MYCL: variants seen among roughly 807,000 people sequenced by gnomAD.
MYCL encodes protein L-Myc.
In MYCL, 11 loss-of-function variants were observed where a neutral mutation model predicts 31.0. The ratio of observed to expected loss-of-function variants is 0.35; its 90% CI spans 0.22 to 0.59. The LOEUF (loss-of-function observed/expected upper bound fraction) is 0.59. Ranked by LOEUF, MYCL falls within the 20% of genes least tolerant of loss-of-function variation. The probability of loss-of-function intolerance (pLI) is 0.79; values close to 1 mark genes in which losing one functional copy is unlikely to be tolerated. For synonymous variants in MYCL, 208 were observed against 202.4 expected, an observed-to-expected ratio of 1.03 and a Z score of -0.23; for missense variants, 427 against 486.1, an observed-to-expected ratio of 0.88 and a Z score of 1.14.
At chr1:39,899,981 G>A (rs1557606658) in intron 1 of MYCL, 1 of 985,520 alleles carries the variant, frequency 1.0e-6, no homozygotes, top group East Asian at 1.1e-4. Context: ...GTAGTTTAGT[G>A]GCACAGGATG....
Position 39,897,267 on chromosome 1 carries a change from G to T in MYCL, c.*105C>A. The T allele has an allele frequency of 9.9e-7, 1 of 1,014,584 alleles. No individual in the cohort carries two copies. The highest frequency in any genetic ancestry group is 1.5e-6 in the Non-Finnish European group (1 of 686,428). 62.8% of individuals were successfully genotyped at this position (1,014,584 alleles called of 1,614,324 possible). On this transcript the variant is annotated 3_prime_UTR_variant, in exon 2 of 2. Coordinates refer to ENST00000372816, the MANE Select transcript of MYCL (RefSeq NM_001033081.3). The surrounding 1 kb of genome is among the most constrained non-coding windows in gnomAD (Gnocchi z 4.3). ...AATGCATTCTGGGATCTACTGTCCA[G>T]ACTGTCCCACCATAACCAAAATGTG...
rs61731506 is a variant in MYCL, at chr1:39,897,517, G to A, written c.950C>T (p.Ala317Val). 3 of 1,614,202 alleles carry A rather than the reference G, an allele frequency of 1.9e-6. No individual in the cohort carries two copies. The highest frequency in any genetic ancestry group is 2.5e-6 in the Non-Finnish European group (3 of 1,180,036). The change falls in exon 2 of 2, where the codon GCC becomes GTC. Residue 317 changes from alanine (A) to valine (V), a missense_variant. By Grantham distance (64) the Ala-to-Val change is moderately conservative. Transcript: ENST00000372816. The surrounding 1 kb of genome is among the most constrained non-coding windows in gnomAD (Gnocchi z 4.3). ...QVPTLASCSK[A>V]PKVVILSKAL... Reference sequence around the variant, plus strand: ...CTTGCTTAGGATCACTACTTTGGGGGCCTTGGAGCAGCTGGCCAGGGTGGG... The same window carrying A: ...CTTGCTTAGGATCACTACTTTGGGGACCTTGGAGCAGCTGGCCAGGGTGGG...
chr1:39,900,058 T>C, intron 1 of MYCL: 1 of 985,516 alleles, frequency 1.0e-6, no homozygotes, highest in Non-Finnish European at 1.2e-6. Flanking sequence ...GGAGTTCTAC[T>C]GCCTTGACCC....
chr1:39,896,565 CT>C lies in MYCL; in HGVS notation c.*806del, dbSNP rs1644484900. 2.4e-5 allele frequency: 5 copies of C among 212,548 alleles called. No individual in the cohort carries two copies. The highest frequency in any genetic ancestry group is 4.5e-5 in the African/African-American group (2 of 44,136). The allele number at this position is 212,548 out of a possible 1,614,324, so 13.2% of individuals were successfully genotyped here. On this transcript the variant is annotated 3_prime_UTR_variant, in exon 2 of 2. Coordinates refer to ENST00000372816, the MANE Select transcript of MYCL (RefSeq NM_001033081.3). ...CAGGCTAGGACCGATTTCCCTGTGT[CT>C]TGGGGAAATATTTCTGACCTGTGGG...
chr1:39,899,160 T>C (rs1049706699), intron 1 of MYCL: 1 of 820,618 alleles, frequency 1.2e-6, no homozygotes, highest in Admixed American at 6.2e-5. Context: ...CTAGCCCCTA[T>C]TGGGTGAGCT....
rs144862690 is a variant in MYCL at position 39,900,588 on chromosome 1, G to T, written c.496+351C>A. On this transcript the variant is annotated intron_variant, in intron 1 of 1. Coordinates refer to ENST00000372816, the MANE Select transcript of MYCL (RefSeq NM_001033081.3). Reference sequence around the variant, plus strand: ...GAGTTTCCTAGGGAAAGAGGCAGCAGCAAAAAAACTTCAGGTTTGGAGTGT... The same window carrying T: ...GAGTTTCCTAGGGAAAGAGGCAGCATCAAAAAAACTTCAGGTTTGGAGTGT... 6,690 of 1,219,178 alleles carry T rather than the reference G, an allele frequency of 5.5e-3. 34 individuals are homozygous for T. Among genetic ancestry groups the T allele is most frequent in the South Asian group, 7.8e-3 (192 of 24,484 alleles). 75.5% of individuals were successfully genotyped at this position (1,219,178 alleles called of 1,614,324 possible).
At chr1:39,898,147 C>G in intron 1 of MYCL, 177 bp from the exon 2 acceptor site, 1 of 885,250 alleles carries the variant, frequency 1.1e-6, no homozygotes, top group Non-Finnish European at 1.7e-6. Context: ...GGTAAGGGCA[C>G]AGTGAAGGAA....
chr1:39,899,239 T>C, intron 1 of MYCL: 4 of 291,146 alleles, frequency 1.4e-5, no homozygotes, highest in Non-Finnish European at 2.0e-5. Context: ...TTCCAGGCCA[T>C]GTGGCCTGTG....
At chr1:39,899,105 G>T in intron 1 of MYCL, 1 of 984,070 alleles carries the variant, frequency 1.0e-6, no homozygotes, top group Non-Finnish European at 1.2e-6. Context: ...CAAAGCCCAT[G>T]ATTGGCTGAT....
In MYCL at chr1:39,901,277, T is replaced by G; in HGVS notation, c.158A>C (p.Asp53Ala). ...CGGGGGACCAATCCCGGGGGCCGGGTCCCCTGCGCCGGGACCCAAGCCCCA... is the reference window on the plus strand; with the variant it reads ...CGGGGGACCAATCCCGGGGGCCGGGGCCCCTGCGCCGGGACCCAAGCCCCA... ...PPWGLGPGAGDPAPGIGPPEP... is the reference protein window; with the variant it reads ...PPWGLGPGAGAPAPGIGPPEP... Residue 53 changes from aspartate (D) to alanine (A), a missense_variant, in exon 1 of 2, where the codon GAC (aspartate) becomes GCC (alanine). Coordinates refer to ENST00000372816, the MANE Select transcript of MYCL (RefSeq NM_001033081.3). The surrounding 1 kb of genome is among the most constrained non-coding windows in gnomAD (Gnocchi z 6.9). The G allele has an allele frequency of 6.2e-7, 1 of 1,600,238 alleles. No individual in the cohort carries two copies.
rs1644536162 is a variant in MYCL at position 39,901,263 on chromosome 1, T to G, written c.172A>C (p.Ile58Leu). ...CCGGGCCACGGCTCCGGGGGACCAATCCCGGGGGCCGGGTCCCCTGCGCCG... is the reference window on the plus strand; with the variant it reads ...CCGGGCCACGGCTCCGGGGGACCAAGCCCGGGGGCCGGGTCCCCTGCGCCG... ...GPGAGDPAPG[I>L]GPPEPWPGGC... The change falls in exon 1 of 2, where the codon ATT (isoleucine) becomes CTT (leucine). Residue 58 changes from isoleucine to leucine, a missense_variant. Transcript: ENST00000372816. The surrounding 1 kb of genome is among the most constrained non-coding windows in gnomAD (Gnocchi z 6.9). 1 of 1,603,054 alleles carries G rather than the reference T, an allele frequency of 6.2e-7. No homozygotes were observed. Among genetic ancestry groups the G allele is most frequent in the Non-Finnish European group, 8.5e-7 (1 of 1,175,394 alleles).
rs1036555115 is a variant in MYCL at position 39,897,310 on chromosome 1, G to A, written c.*62C>T. The A allele has an allele frequency of 1.4e-6, 2 of 1,440,882 alleles. No homozygotes were observed. Among genetic ancestry groups the A allele is most frequent in the Non-Finnish European group, 9.4e-7 (1 of 1,061,754 alleles). The allele number at this position is 1,440,882 out of a possible 1,614,324, so 89.3% of individuals were successfully genotyped here. A position where few individuals can be genotyped will look rare whatever the true frequency, so the allele number is the denominator to read the frequency against. ...AAAATGTGCAAATTACTAAAGGGGAGAGGGAGGTTAAAAAATAAACTTGTG... is the reference window on the plus strand; with the variant it reads ...AAAATGTGCAAATTACTAAAGGGGAAAGGGAGGTTAAAAAATAAACTTGTG... On this transcript the variant is annotated 3_prime_UTR_variant, in exon 2 of 2. Transcript: ENST00000372816. This position sits in a 1 kb window ranked among gnomAD's most constrained non-coding sequence, Gnocchi z 4.3.
rs1194029477 is a variant in MYCL, at chr1:39,896,173, C to G, written c.*1199G>C. The stretch of plus-strand genomic sequence containing the variant: ...TCCTGGAGGCTCCTTTAAAACCCAC[C>G]AGAAGCAAGTCCACCTTCTGGAGCA... On this transcript the variant is annotated 3_prime_UTR_variant, in exon 2 of 2. Coordinates refer to ENST00000372816, the MANE Select transcript of MYCL (RefSeq NM_001033081.3). 1.5e-5 allele frequency: 3 copies of G among 204,888 alleles called. No individual in the cohort carries two copies. Among genetic ancestry groups the G allele is most frequent in the Non-Finnish European group, 3.0e-5 (3 of 100,072 alleles). 12.7% of individuals were successfully genotyped at this position (204,888 alleles called of 1,614,324 possible).
intron 1 of MYCL, chr1:39,900,422 T>C: frequency 1.0e-6 from 1 of 990,540 alleles, no homozygotes; most frequent in East Asian, 1.1e-4. Flanking sequence ...GAGTGGTAAG[T>C]GGTGGTGGGG....
At position 39,897,516 on chromosome 1, in the gene MYCL, G is replaced by T; in HGVS notation, c.951C>A (p.Ala317=). ...QVPTLASCSK[A]PKVVILSKAL... The stretch of plus-strand genomic sequence containing the variant: ...CCTTGCTTAGGATCACTACTTTGGG[G>T]GCCTTGGAGCAGCTGGCCAGGGTGG... The change falls in exon 2 of 2, where the codon GCC becomes GCA. Residue 317 remains alanine, a synonymous_variant. Transcript: ENST00000372816. The surrounding 1 kb of genome is among the most constrained non-coding windows in gnomAD (Gnocchi z 4.3). The T allele has an allele frequency of 6.2e-7, 1 of 1,614,208 alleles. No individual in the cohort carries two copies. Among genetic ancestry groups the T allele is most frequent in the South Asian group, 1.1e-5 (1 of 91,080 alleles).
intron 1 of MYCL, chr1:39,898,788 G>T (rs1644507223): frequency 1.0e-6 from 1 of 985,326 alleles, no homozygotes; most frequent in Admixed American, 6.2e-5. Flanking sequence ...CCAGATATGG[G>T]GCTCATAACA....
chr1:39,899,601 T>C (rs1570184822), intron 1 of MYCL: 2 of 983,570 alleles, frequency 2.0e-6, no homozygotes, highest in Non-Finnish European at 2.4e-6. Context: ...ACTCTACCAC[T>C]CCACCAGCCG....
chr1:39,897,846 G>C lies in MYCL; in HGVS notation c.621C>G (p.Ile207Met). ...DPCMKHFHIS[I>M]HQQQHNYAAR... ...CAGCATAGTTGTGCTGTTGCTGATG[G>C]ATGGAGATGTGGAAATGCTTCATGC... Residue 207 changes from isoleucine to methionine, a missense_variant, in exon 2 of 2, where the codon ATC becomes ATG. Transcript: ENST00000372816. This position sits in a 1 kb window ranked among gnomAD's most constrained non-coding sequence, Gnocchi z 4.3. The C allele has an allele frequency of 6.2e-7, 1 of 1,614,222 alleles. No homozygotes were observed. Among genetic ancestry groups the C allele is most frequent in the East Asian group, 2.2e-5 (1 of 44,886 alleles).
At chr1:39,900,907 C>T (rs1644530403) in intron 1 of MYCL, 32 bp downstream of exon 1, 2 of 1,507,038 alleles carry the variant, frequency 1.3e-6, no homozygotes, top group African/African-American at 1.4e-5. Flanking sequence ...CATGGGGTGG[C>T]CCCCTCTTGG....
Sources: gnomAD v4.1 joint callset for allele counts on GRCh38, gnomAD v4.1.1 for gene constraint, Gnocchi (gnomAD v3.1) non-coding constraint, MANE v1.5 for transcripts, NCBI Gene and HGNC (gene_info 2026-07-23, HGNC 2026-07-21) for gene names.